ZBTB16: variants seen among roughly 807,000 people sequenced by gnomAD.
ZBTB16 encodes zinc finger and BTB domain-containing protein 16.
Under a neutral mutation model 56.8 loss-of-function variants are expected in ZBTB16, and 8 were observed. The observed-to-expected ratio is 0.14, with a 90% CI of 0.08 to 0.25. ZBTB16 has a LOEUF of 0.25. ZBTB16 is among the 10% of genes least tolerant of loss of function. ZBTB16 has a pLI of 1.00. For missense variants in ZBTB16, 625 were observed against 903.0 expected, an observed-to-expected ratio of 0.69 and a Z score of 3.95; for synonymous variants, 363 against 368.5, an observed-to-expected ratio of 0.98 and a Z score of 0.17.
chr11:114,087,336 G>A (rs774844824), intron 2 of ZBTB16, among the ~76,000 whole-genome samples: 33 of 152,096 alleles, frequency 2.2e-4, no homozygotes, highest in South Asian at 6.2e-4. Flanking sequence ...GTTGTTTTTC[G>A]TTTTTTGTCT....
chr11:114,067,900 C>CT lies in ZBTB16; in HGVS notation c.1268+3339dup, dbSNP rs1209775134. Among the ~76,000 whole-genome samples the CT allele has an allele frequency of 3.0e-4, 46 of 152,000 alleles. No individual in the cohort carries two copies. The East Asian group carries it at 7.6e-3, about 25-fold the overall frequency. On this transcript the variant is annotated intron_variant, in intron 2 of 6. Transcript: ENST00000335953. ...CCAGCTAGATGTACTTTGTAGAAGG[C>CT]TTTTTTTCTCCCCCTCACCCTCAAA...
chr11:114,108,446 G>A (rs1940879215), intron 2 of ZBTB16, among the ~76,000 whole-genome samples: 3 of 152,124 alleles, frequency 2.0e-5, no homozygotes, highest in Admixed American at 6.5e-5. Context: ...TGATGGCCAC[G>A]GGCTTATTTG....
chr11:114,246,145 C>T (rs1944811633), intron 5 of ZBTB16, among the ~76,000 whole-genome samples: 1 of 152,158 alleles, frequency 6.6e-6, no homozygotes, highest in South Asian at 2.1e-4. Flanking sequence ...ATAGACCCAC[C>T]ATTTCCTGGG....
At position 114,242,352 on chromosome 11, in the gene ZBTB16, C is replaced by G. The variant is rs1219625610; in HGVS notation, c.1624+15C>G. ...CTCACATACAGGTAGGTCAGTCCAG[C>G]TGATGGGTGGATCTGGGTCTCTGGG... On this transcript the variant is annotated intron_variant, in intron 5 of 6. Coordinates refer to ENST00000335953, the MANE Select transcript of ZBTB16 (RefSeq NM_006006.6). 6.2e-7 allele frequency: 1 copy of G among 1,612,322 alleles called. No homozygotes were observed. Among genetic ancestry groups the G allele is most frequent in the East Asian group, 2.2e-5 (1 of 44,888 alleles).
intron 2 of ZBTB16, among the ~76,000 whole-genome samples, chr11:114,076,402 C>T (rs1261757328): frequency 1.3e-5 from 2 of 152,184 alleles, no homozygotes; most frequent in Non-Finnish European, 2.9e-5. Flanking sequence ...GTTCTCACCT[C>T]CTCGTGGGCT....
chr11:114,208,344 A>T (rs540422737), intron 4 of ZBTB16, among the ~76,000 whole-genome samples: 1 of 152,294 alleles, frequency 6.6e-6, no homozygotes, highest in African/African-American at 2.4e-5. Flanking sequence ...GTCTGGCTTC[A>T]GATTTTTGCT....
chr11:114,142,236 G>A (rs1461632291), intron 2 of ZBTB16, among the ~76,000 whole-genome samples: 2 of 152,126 alleles, frequency 1.3e-5, no homozygotes, highest in East Asian at 1.9e-4. Flanking sequence ...GTATGGTGGG[G>A]GCTGCAGCCG....
chr11:114,139,943 G>A (rs944618512), intron 2 of ZBTB16, among the ~76,000 whole-genome samples: 11 of 152,172 alleles, frequency 7.2e-5, no homozygotes, highest in African/African-American at 2.2e-4. Context: ...CTCCTAGAGC[G>A]TGTCAGACCT....
At chr11:114,070,323 T>G (rs193247754) in intron 2 of ZBTB16, among the ~76,000 whole-genome samples, 2,556 of 151,584 alleles carry the variant, frequency 0.017, 80 homozygotes, top group African/African-American at 0.059. Context: ...TTAGCCAGGA[T>G]GGTCTCGATC....
rs1939055051 is a variant in ZBTB16 at position 114,064,874 on chromosome 11, C to G, written c.1268+306C>G. ...TTTTTTCGGCTGTTTGGTCTGTTCT[C>G]CTTTGCTTGGAGTGACTGATAAAAT... On this transcript the variant is annotated intron_variant, in intron 2 of 6. Transcript: ENST00000335953. The surrounding 1 kb of genome is among the most constrained non-coding windows in gnomAD (Gnocchi z 4.2). 6.6e-6 allele frequency among the ~76,000 whole-genome samples: 1 copy of G among 152,068 alleles called. No homozygotes were observed. The highest frequency in any genetic ancestry group is 2.1e-4 in the South Asian group (1 of 4,818).
intron 2 of ZBTB16, among the ~76,000 whole-genome samples, chr11:114,140,362 T>G (rs1325384366): frequency 6.6e-6 from 1 of 152,194 alleles, no homozygotes; most frequent in Non-Finnish European, 1.5e-5. Flanking sequence ...ATAGTGTGTA[T>G]TGTCTTCCCT....
At chr11:114,149,878 C>A (rs1057268029) in intron 2 of ZBTB16, among the ~76,000 whole-genome samples, 2 of 152,134 alleles carry the variant, frequency 1.3e-5, no homozygotes, top group African/African-American at 4.8e-5. Context: ...TCCAGGCAGT[C>A]CCATGGCTAG....
At chr11:114,141,600 G>A (rs760894003) in intron 2 of ZBTB16, among the ~76,000 whole-genome samples, 10 of 152,202 alleles carry the variant, frequency 6.6e-5, no homozygotes, top group Non-Finnish European at 1.3e-4. Flanking sequence ...AGTATTGTTA[G>A]TCTGCTTGAC....
chr11:114,207,220 C>T (rs1191031926), intron 4 of ZBTB16, among the ~76,000 whole-genome samples: 2 of 152,092 alleles, frequency 1.3e-5, no homozygotes, highest in Admixed American at 1.3e-4. Context: ...CCCAGCTACA[C>T]AGTGAAATCA....
intron 5 of ZBTB16, among the ~76,000 whole-genome samples, chr11:114,245,427 A>G (rs1944795207): frequency 6.6e-6 from 1 of 152,098 alleles, no homozygotes; most frequent in Admixed American, 6.5e-5. Flanking sequence ...GCTTCTTGCA[A>G]ATCTTCCACC....
At chr11:114,139,208 A>G (rs2134887707) in intron 2 of ZBTB16, among the ~76,000 whole-genome samples, 1 of 152,332 alleles carries the variant, frequency 6.6e-6, no homozygotes, top group African/African-American at 2.4e-5. Context: ...TGAAGATGGA[A>G]GGAGACCCTT....
At chr11:114,142,501 A>G (rs1941979587) in intron 2 of ZBTB16, among the ~76,000 whole-genome samples, 2 of 152,242 alleles carry the variant, frequency 1.3e-5, no homozygotes, top group East Asian at 1.9e-4. Flanking sequence ...TAGCTCAGAA[A>G]TGAGGTGTTC....
At position 114,063,023 on chromosome 11, in the gene ZBTB16, T is replaced by G. The variant is rs998451559; in HGVS notation, c.-90-188T>G. Reference sequence around the variant, plus strand: ...CTTTTTACTCTCAGCATCCCTGGCTTGAAAGGCAGATTTGTAGATTTCTAG... The same window carrying G: ...CTTTTTACTCTCAGCATCCCTGGCTGGAAAGGCAGATTTGTAGATTTCTAG... On this transcript the variant is annotated intron_variant, in intron 1 of 6. Coordinates refer to ENST00000335953, the MANE Select transcript of ZBTB16 (RefSeq NM_006006.6). The surrounding 1 kb of genome is among the most constrained non-coding windows in gnomAD (Gnocchi z 6.5). 1.3e-5 allele frequency among the ~76,000 whole-genome samples: 2 copies of G among 152,182 alleles called. No homozygotes were observed. Among genetic ancestry groups the G allele is most frequent in the East Asian group, 1.9e-4 (1 of 5,194 alleles).
intron 4 of ZBTB16, among the ~76,000 whole-genome samples, chr11:114,235,691 TTTTC>T (rs1176627573): frequency 2.3e-4 from 3 of 13,098 alleles, no homozygotes; most frequent in African/African-American, 4.6e-4. Context: ...TCTTTCTTTC[TTTTC>T]TTTCTTTCTT....
Sources: allele counts gnomAD v4.1 joint callset (sites outside exome capture counted in the v4.1 genomes callset), GRCh38; gene constraint gnomAD v4.1.1; non-coding constraint Gnocchi (gnomAD v3.1); transcripts MANE v1.5; gene names NCBI Gene and HGNC (gene_info 2026-07-23, HGNC 2026-07-21).